The following PALS2 variants were observed in gnomAD, a reference collection of about 807,000 sequenced individuals.
PALS2 encodes the protein protein PALS2.
A neutral mutation model predicts 61.6 loss-of-function variants in PALS2; 27 were observed. That is an observed-to-expected ratio of 0.44 (90% CI 0.32 to 0.60). PALS2 has a LOEUF of 0.60. PALS2 is among the 20% of genes least tolerant of loss of function. The probability of loss-of-function intolerance (pLI) is 0.05; values close to 1 mark genes in which losing one functional copy is unlikely to be tolerated. For missense variants in PALS2, 554 were observed against 639.4 expected (o/e 0.87, Z 1.44); for synonymous variants, 236 against 218.6 (o/e 1.08, Z -0.70).
At chr7:24,576,311 G>A (rs1036068781) in intron 1 of PALS2, among the ~76,000 whole-genome samples, 89 of 152,278 alleles carry the variant, frequency 5.8e-4, no homozygotes, top group African/African-American at 2.1e-3. Context: ...AAGCTGCAAT[G>A]ATTTTCCTCC....
chr7:24,649,703 A>G lies in PALS2; in HGVS notation c.362A>G (p.Gln121Arg). 1.9e-6 allele frequency: 3 copies of G among 1,611,702 alleles called. No homozygotes were observed. Among genetic ancestry groups the G allele is most frequent in the Non-Finnish European group, 2.5e-6 (3 of 1,178,972 alleles). ...PEMNNSSINN[Q>R]LLPVDAIRIL... ...ATGAATAATTCTTCTATCAATAATC[A>G]GTTATTACCAGTAGATGCCATTCGT... The change falls in exon 4 of 12, where the codon CAG (glutamine) becomes CGG (arginine). Residue 121 changes from glutamine (Q) to arginine (R), a missense_variant. Gln to Arg is a conservative substitution (Grantham distance 43, BLOSUM62 1). Coordinates refer to ENST00000222644, the MANE Select transcript of PALS2 (RefSeq NM_001303037.2).
chr7:24,623,849 A>G, intron 2 of PALS2, 65 bp downstream of exon 2: 2 of 1,221,098 alleles, frequency 1.6e-6, no homozygotes, highest in Non-Finnish European at 2.3e-6. Context: ...AGATATTTTC[A>G]GATATTACTA....
chr7:24,576,077 GT>G (rs1477791606), intron 1 of PALS2, among the ~76,000 whole-genome samples: 1 of 152,042 alleles, frequency 6.6e-6, no homozygotes, highest in African/African-American at 2.4e-5. Flanking sequence ...ATACTGAACT[GT>G]TTGGGAATAT....
chr7:24,632,224 GATCT>G, intron 2 of PALS2, among the ~76,000 whole-genome samples: 1 of 152,044 alleles, frequency 6.6e-6, no homozygotes, highest in Non-Finnish European at 1.5e-5. Flanking sequence ...AATTTTTCTT[GATCT>G]GAAGTCTGCC....
Position 24,691,066 on chromosome 7 carries a change from G to C in PALS2, c.*3452G>C, listed in dbSNP as rs1295058915. 1.3e-5 allele frequency: 2 copies of C among 151,998 alleles called. No homozygotes were observed. The highest frequency in any genetic ancestry group is 2.1e-4 in the South Asian group (1 of 4,810). 9.4% of individuals were successfully genotyped at this position (151,998 alleles called of 1,614,324 possible). A position where few individuals can be genotyped will look rare whatever the true frequency, so the allele number is the denominator to read the frequency against. On this transcript the variant is annotated 3_prime_UTR_variant, in exon 12 of 12. Coordinates refer to ENST00000222644, the MANE Select transcript of PALS2 (RefSeq NM_001303037.2). ...TCCTTGGTTTAAAAATTATTAAATG[G>C]TACTTATTTTTATGTATAACAAGTG... is the stretch of plus-strand genomic sequence containing the variant.
chr7:24,627,078 C>T lies in PALS2; in HGVS notation c.117+3294C>T, dbSNP rs191513829. On this transcript the variant is annotated intron_variant, in intron 2 of 11. Coordinates refer to ENST00000222644, the MANE Select transcript of PALS2 (RefSeq NM_001303037.2). ...TCAACAGAATATACATTCCTCTCAG[C>T]GCCACATAGCACTTATTCTAAAATG... Among the ~76,000 whole-genome samples, 284 of 152,260 alleles carry T rather than the reference C, an allele frequency of 1.9e-3. 1 individual carries two copies. Among genetic ancestry groups the T allele is most frequent in the African/African-American group, 6.5e-3 (272 of 41,554 alleles).
At chr7:24,640,029 C>G (rs1785442204) in intron 2 of PALS2, among the ~76,000 whole-genome samples, 1 of 151,864 alleles carries the variant, frequency 6.6e-6, no homozygotes. Context: ...GTTGGGCAGG[C>G]TGGTCTCGAA....
chr7:24,579,003 A>G (rs1782740002), intron 1 of PALS2, among the ~76,000 whole-genome samples: 1 of 152,238 alleles, frequency 6.6e-6, no homozygotes, highest in Non-Finnish European at 1.5e-5. Context: ...TAGCATGATA[A>G]TGGAGGAACT....
chr7:24,628,465 G>A (rs1013049438), intron 2 of PALS2, among the ~76,000 whole-genome samples: 1 of 152,194 alleles, frequency 6.6e-6, no homozygotes, highest in Non-Finnish European at 1.5e-5. Context: ...AGACAAGGAT[G>A]CACTCTCTCA....
At chr7:24,633,611 A>G (rs1165785302) in intron 2 of PALS2, among the ~76,000 whole-genome samples, 8 of 151,952 alleles carry the variant, frequency 5.3e-5, no homozygotes, top group Non-Finnish European at 5.9e-5. Flanking sequence ...TCCATCATTA[A>G]TTTAGGAAAA....
intron 1 of PALS2, among the ~76,000 whole-genome samples, chr7:24,582,467 A>G (rs2711091): frequency 0.43 from 65,290 of 152,006 alleles, 16,917 homozygotes; most frequent in East Asian, 0.73. Context: ...TAAATAATCT[A>G]TAGAATATTA....
intron 1 of PALS2, among the ~76,000 whole-genome samples, chr7:24,614,061 A>T (rs1179500750): frequency 6.6e-6 from 1 of 151,866 alleles, no homozygotes; most frequent in African/African-American, 2.4e-5. Flanking sequence ...GGTGGCACAG[A>T]TATCTCATTA....
At chr7:24,609,455 A>G (rs931502186) in intron 1 of PALS2, among the ~76,000 whole-genome samples, 40 of 152,272 alleles carry the variant, frequency 2.6e-4, no homozygotes, top group Middle Eastern at 3.4e-3. Flanking sequence ...GGAAGAACAG[A>G]AGGGAAGAAA....
chr7:24,660,758 G>C lies in PALS2; in HGVS notation c.652-2832G>C, dbSNP rs183295044. ...TTCCCAGACATGGATTACTAGGTCA[G>C]AGGGTTTATGCGTTTGTAATCTTGA... On this transcript the variant is annotated intron_variant, in intron 5 of 11. Transcript: ENST00000222644. Among the ~76,000 whole-genome samples, 5 of 152,352 alleles carry C rather than the reference G, an allele frequency of 3.3e-5. No individual in the cohort carries two copies. The East Asian group carries it at 9.6e-4, about 29-fold the overall frequency.
At chr7:24,681,933 G>A (rs1787957612) in intron 11 of PALS2, among the ~76,000 whole-genome samples, 2 of 152,118 alleles carry the variant, frequency 1.3e-5, no homozygotes, top group South Asian at 2.1e-4. Context: ...AGTGTTTAAT[G>A]TCTTTGCAGG....
chr7:24,669,564 A>G (rs1179511202), intron 9 of PALS2, among the ~76,000 whole-genome samples: 1 of 152,188 alleles, frequency 6.6e-6, no homozygotes, highest in African/African-American at 2.4e-5. Flanking sequence ...TTAACATGGC[A>G]TTCCTTTAGG....
intron 1 of PALS2, among the ~76,000 whole-genome samples, chr7:24,595,700 A>G (rs1385958233): frequency 6.6e-6 from 1 of 150,540 alleles, no homozygotes; most frequent in African/African-American, 2.4e-5. Flanking sequence ...AAATAATTTC[A>G]GATGAGTACT....
At chr7:24,579,368 T>C (rs764682409) in intron 1 of PALS2, among the ~76,000 whole-genome samples, 1 of 152,160 alleles carries the variant, frequency 6.6e-6, no homozygotes, top group Non-Finnish European at 1.5e-5. Context: ...TTAAGGTAAA[T>C]AGAAAAGGCT....
chr7:24,588,092 C>A (rs928339173), intron 1 of PALS2, among the ~76,000 whole-genome samples: 12 of 152,150 alleles, frequency 7.9e-5, no homozygotes, highest in Middle Eastern at 6.8e-3. Flanking sequence ...TTGGGACAGA[C>A]CCCACAACAA....
Sources: gnomAD v4.1 joint callset for allele counts (sites outside exome capture counted in the v4.1 genomes callset) on GRCh38, gnomAD v4.1.1 for gene constraint, MANE v1.5 for transcripts, NCBI Gene and HGNC (gene_info 2026-07-23, HGNC 2026-07-21) for gene names.